ST6GALNAC3: variants seen among roughly 807,000 people sequenced by gnomAD.
The protein encoded by ST6GALNAC3 is alpha-N-acetylgalactosaminide alpha-2,6-sialyltransferase 3.
ST6GALNAC3 carries 25 observed loss-of-function variants against 32.7 expected under a neutral mutation model. The ratio of observed to expected loss-of-function variants is 0.76; its 90% CI spans 0.56 to 1.07. The LOEUF (loss-of-function observed/expected upper bound fraction) is 1.07. Ranked by LOEUF, ST6GALNAC3 falls within the 50% of genes least tolerant of loss-of-function variation. The pLI is 0.00. For synonymous variants in ST6GALNAC3, 129 were observed against 133.1 expected (o/e 0.97, Z 0.21); for missense variants, 355 against 382.4 (o/e 0.93, Z 0.60).
In ST6GALNAC3 at chr1:76,273,186, C is replaced by T. The variant is rs191350562; in HGVS notation, c.19-40619C>T. ...AACATTAAGTTGTATTTTCATTTTA[C>T]ATTGTTGACAGAAATAAAAACCTTC... On this transcript the variant is annotated intron_variant, in intron 1 of 4. Coordinates refer to ENST00000328299, the MANE Select transcript of ST6GALNAC3 (RefSeq NM_152996.4). Among the ~76,000 whole-genome samples, 104 of 152,054 alleles carry T rather than the reference C, an allele frequency of 6.8e-4. 2 individuals are homozygous for T. The highest frequency in any genetic ancestry group is 2.4e-3 in the African/African-American group (100 of 41,488).
At chr1:76,237,962 A>G (rs997258118) in intron 1 of ST6GALNAC3, among the ~76,000 whole-genome samples, 1 of 152,236 alleles carries the variant, frequency 6.6e-6, no homozygotes, top group Non-Finnish European at 1.5e-5. Flanking sequence ...ATGGAATAAC[A>G]TTACTTTGCA....
chr1:76,284,197 G>T (rs1418458583), intron 1 of ST6GALNAC3, among the ~76,000 whole-genome samples: 1 of 152,134 alleles, frequency 6.6e-6, no homozygotes, highest in Non-Finnish European at 1.5e-5. Context: ...GAAATTAGAA[G>T]GTAAATGTAT....
intron 1 of ST6GALNAC3, among the ~76,000 whole-genome samples, chr1:76,206,772 G>T (rs184164148): frequency 6.6e-6 from 1 of 152,022 alleles, no homozygotes; most frequent in East Asian, 1.9e-4. Flanking sequence ...TTCAATAGAT[G>T]GTGATTGTTA....
intron 2 of ST6GALNAC3, among the ~76,000 whole-genome samples, chr1:76,401,370 C>T (rs1205286355): frequency 1.3e-5 from 2 of 152,110 alleles, no homozygotes; most frequent in Non-Finnish European, 2.9e-5. Flanking sequence ...AACTATTTTA[C>T]ATATCTGCTC....
At chr1:76,194,345 G>A (rs544775846) in intron 1 of ST6GALNAC3, among the ~76,000 whole-genome samples, 172 of 152,198 alleles carry the variant, frequency 1.1e-3, no homozygotes, top group African/African-American at 3.8e-3. Flanking sequence ...CAAACCTTGC[G>A]TTTTAGGACC....
chr1:76,623,742 T>C (rs1648789773), intron 3 of ST6GALNAC3, among the ~76,000 whole-genome samples: 1 of 151,974 alleles, frequency 6.6e-6, no homozygotes, highest in Non-Finnish European at 1.5e-5. Flanking sequence ...TGTTGTAGTT[T>C]TCATTGAAAC....
chr1:76,106,942 G>A (rs1283648633), intron 1 of ST6GALNAC3, among the ~76,000 whole-genome samples: 1 of 152,238 alleles, frequency 6.6e-6, no homozygotes, highest in Non-Finnish European at 1.5e-5. Context: ...TGTACATAGA[G>A]TCTGAAGACA....
rs1380255890 is a variant in ST6GALNAC3 at position 76,485,669 on chromosome 1, A to T, written c.623+73252A>T. On this transcript the variant is annotated intron_variant, in intron 3 of 4. Coordinates refer to ENST00000328299, the MANE Select transcript of ST6GALNAC3 (RefSeq NM_152996.4). Reference sequence around the variant, plus strand: ...TCAATTTTGTTGATCCTTTCAAAAAACTAGCTCCTGGATTCATTGATTTTT... The same window carrying T: ...TCAATTTTGTTGATCCTTTCAAAAATCTAGCTCCTGGATTCATTGATTTTT... Among the ~76,000 whole-genome samples, 20 of 152,236 alleles carry T rather than the reference A, an allele frequency of 1.3e-4. No individual in the cohort carries two copies. The South Asian group carries it at 3.3e-3, about 25-fold the overall frequency.
intron 3 of ST6GALNAC3, among the ~76,000 whole-genome samples, chr1:76,457,014 AC>A (rs1397565411): frequency 6.6e-6 from 1 of 151,492 alleles, no homozygotes; most frequent in Non-Finnish European, 1.5e-5. Context: ...GTCTCAGGAT[AC>A]AAAATCAATG....
At chr1:76,466,530 C>G (rs1035513011) in intron 3 of ST6GALNAC3, among the ~76,000 whole-genome samples, 35 of 152,068 alleles carry the variant, frequency 2.3e-4, no homozygotes, top group Admixed American at 2.2e-3. Context: ...TGACTGGACT[C>G]ATATACTACT....
intron 1 of ST6GALNAC3, among the ~76,000 whole-genome samples, chr1:76,159,142 T>C (rs1651657263): frequency 6.6e-6 from 1 of 152,118 alleles, no homozygotes; most frequent in African/African-American, 2.4e-5. Flanking sequence ...TCTTTAGTTA[T>C]GGGGAGTTAA....
rs879077484 is a variant in ST6GALNAC3 at position 76,634,042 on chromosome 1, CTT to C, written c.*5246_*5247del. 104 of 420,464 alleles carry C rather than the reference CTT, an allele frequency of 2.5e-4. No homozygotes were observed. The highest frequency in any genetic ancestry group is 1.2e-3 in the Middle Eastern group (1 of 842). The allele number at this position is 420,464 out of a possible 1,614,324, so 26.0% of individuals were successfully genotyped here. ...GCAGAAAATCTCATTTAGTTTTTTT[CTT>C]TTTTTTTTTCAGTTAACTACTTGTT... is the stretch of plus-strand genomic sequence containing the variant. On this transcript the variant is annotated 3_prime_UTR_variant, in exon 5 of 5. Coordinates refer to ENST00000328299, the MANE Select transcript of ST6GALNAC3 (RefSeq NM_152996.4).
chr1:76,561,899 A>T (rs1316864821), intron 3 of ST6GALNAC3, among the ~76,000 whole-genome samples: 3 of 152,246 alleles, frequency 2.0e-5, no homozygotes, highest in African/African-American at 7.2e-5. Context: ...TATGAGGTCC[A>T]TACAATCTAA....
intron 3 of ST6GALNAC3, among the ~76,000 whole-genome samples, chr1:76,557,067 A>G (rs1664970878): frequency 6.6e-6 from 1 of 151,718 alleles, no homozygotes; most frequent in South Asian, 2.1e-4. Context: ...GAAGGTGTCT[A>G]ACTTCACTTT....
At chr1:76,275,724 CT>C (rs1659096068) in intron 1 of ST6GALNAC3, among the ~76,000 whole-genome samples, 1 of 152,068 alleles carries the variant, frequency 6.6e-6, no homozygotes, top group African/African-American at 2.4e-5. Flanking sequence ...TAATTGATGG[CT>C]AGTATTTAAG....
intron 3 of ST6GALNAC3, among the ~76,000 whole-genome samples, chr1:76,507,053 G>A (rs369528408): frequency 1.1e-4 from 17 of 152,278 alleles, no homozygotes; most frequent in African/African-American, 3.6e-4. Flanking sequence ...TTCACAAACA[G>A]ACAAAACTCA....
chr1:76,103,271 T>A (rs1324263824), intron 1 of ST6GALNAC3, among the ~76,000 whole-genome samples: 1 of 152,198 alleles, frequency 6.6e-6, no homozygotes, highest in Middle Eastern at 3.4e-3. Context: ...GCATCATTCA[T>A]CTTGTCAAAT....
At chr1:76,287,387 C>CTTTT (rs5775339) in intron 1 of ST6GALNAC3, among the ~76,000 whole-genome samples, 1,334 of 130,714 alleles carry the variant, frequency 0.01, 34 homozygotes, top group African/African-American at 0.036. Context: ...TTTTTTCTTC[C>CTTTT]TTTTTTTTTT....
intron 3 of ST6GALNAC3, among the ~76,000 whole-genome samples, chr1:76,599,943 T>C (rs1647196405): frequency 6.6e-6 from 1 of 152,086 alleles, no homozygotes; most frequent in Non-Finnish European, 1.5e-5. Context: ...AGAAGAAAAA[T>C]AGGTAGCCCT....
Sources: allele counts gnomAD v4.1 joint callset (sites outside exome capture counted in the v4.1 genomes callset), GRCh38; gene constraint gnomAD v4.1.1; transcripts MANE v1.5; gene names NCBI Gene and HGNC (gene_info 2026-07-23, HGNC 2026-07-21).